Variants in YIPF7 observed in about 807,000 individuals in gnomAD.
YIPF7 encodes protein YIPF7.
In YIPF7, 35 loss-of-function variants were observed where a neutral mutation model predicts 27.2. That is an observed-to-expected ratio of 1.29 (90% CI 0.98 to 1.70). The LOEUF is 1.70. Ranked by LOEUF, YIPF7 falls within the 40% of genes most tolerant of loss-of-function variation. The pLI is 0.00. For missense variants in YIPF7, 358 were observed against 303.7 expected, an observed-to-expected ratio of 1.18 and a Z score of -1.33; for synonymous variants, 137 against 110.4, an observed-to-expected ratio of 1.24 and a Z score of -1.51.
At chr4:44,641,106 C>T (rs1018656205) in intron 2 of YIPF7, among the ~76,000 whole-genome samples, 23 of 152,248 alleles carry the variant, frequency 1.5e-4, no homozygotes, top group Middle Eastern at 3.4e-3. Flanking sequence ...AAGTGGACCA[C>T]GTATAGACTC....
chr4:44,647,714 C>T (rs1713577114), intron 2 of YIPF7, among the ~76,000 whole-genome samples: 1 of 152,058 alleles, frequency 6.6e-6, no homozygotes, highest in Non-Finnish European at 1.5e-5. Context: ...AAAATTATAT[C>T]TCAATACCTT....
chr4:44,624,785 G>T lies in YIPF7; in HGVS notation c.427-3C>A. Reference sequence around the variant, plus strand: ...TAACCAAACTGAACTTTTCCTGCCTGAAACGACGTGAAGAAAAAACAGTTT... The same window carrying T: ...TAACCAAACTGAACTTTTCCTGCCTTAAACGACGTGAAGAAAAAACAGTTT... On this transcript the variant is annotated splice_polypyrimidine_tract_variant and splice_region_variant and intron_variant, in intron 4 of 5. Coordinates refer to ENST00000415895, the MANE Select transcript of YIPF7 (RefSeq NM_182592.3). 1 of 1,603,184 alleles carries T rather than the reference G, an allele frequency of 6.2e-7. No individual in the cohort carries two copies. Among genetic ancestry groups the T allele is most frequent in the Non-Finnish European group, 8.5e-7 (1 of 1,175,688 alleles).
intron 3 of YIPF7, 79 bp downstream of exon 3, chr4:44,635,843 C>G: frequency 5.4e-6 from 8 of 1,481,694 alleles, no homozygotes; most frequent in Non-Finnish European, 6.4e-6. Flanking sequence ...ACACTGCAGG[C>G]TGACAGCACA....
intron 2 of YIPF7, among the ~76,000 whole-genome samples, chr4:44,647,069 T>C (rs560884396): frequency 1.3e-5 from 2 of 152,306 alleles, no homozygotes; most frequent in Non-Finnish European, 2.9e-5. Context: ...CCTTTCCTAA[T>C]TCCTGAGATG....
At chr4:44,638,060 A>T (rs1332312352) in intron 2 of YIPF7, among the ~76,000 whole-genome samples, 1 of 152,206 alleles carries the variant, frequency 6.6e-6, no homozygotes, top group Non-Finnish European at 1.5e-5. Context: ...TCAAAAGAAG[A>T]TATATAAATG....
At chr4:44,652,906 C>T (rs1464165903), upstream of YIPF7, among the ~76,000 whole-genome samples, 1 of 151,874 alleles carries the variant, frequency 6.6e-6, no homozygotes, top group Non-Finnish European at 1.5e-5. Context: ...GGTGAAAAAG[C>T]CAATGTTTGA....
intron 1 of YIPF7, among the ~76,000 whole-genome samples, chr4:44,662,055 C>T (rs1714052736): frequency 1.3e-5 from 2 of 152,152 alleles, no homozygotes; most frequent in African/African-American, 2.4e-5. Flanking sequence ...TATATTGAAA[C>T]CATTTGTTAC....
intron 4 of YIPF7, among the ~76,000 whole-genome samples, chr4:44,627,415 A>T (rs1712701058): frequency 6.6e-6 from 1 of 152,192 alleles, no homozygotes; most frequent in South Asian, 2.1e-4. Flanking sequence ...AGAGATAATA[A>T]GCAGATTTGG....
At chr4:44,639,850 T>A (rs1251872537) in intron 2 of YIPF7, among the ~76,000 whole-genome samples, 1 of 152,164 alleles carries the variant, frequency 6.6e-6, no homozygotes, top group Non-Finnish European at 1.5e-5. Flanking sequence ...GACTTTATTA[T>A]TTTGAGGTAC....
At position 44,636,003 on chromosome 4, in the gene YIPF7, A is replaced by C; in HGVS notation, c.199T>G (p.Phe67Val). The C allele has an allele frequency of 6.2e-7, 1 of 1,613,954 alleles. No homozygotes were observed. The highest frequency in any genetic ancestry group is 1.1e-5 in the South Asian group (1 of 91,076). The change falls in exon 3 of 6, where the codon TTT becomes GTT. Residue 67 changes from phenylalanine (F) to valine (V), a missense_variant. Transcript: ENST00000415895. ...TAATCTGAGTTGGATGCTGGCTGAA[A>C]AAATTGTCCTGCGTAACCCGATGAC... Reference protein sequence around the residue: ...LMSSGYAGQFFQPASNSDYYS... With the variant: ...LMSSGYAGQFVQPASNSDYYS...
At chr4:44,650,543 G>T (rs1035308829) in intron 1 of YIPF7, among the ~76,000 whole-genome samples, 1 of 145,614 alleles carries the variant, frequency 6.9e-6, no homozygotes, top group Non-Finnish European at 1.5e-5. Context: ...TTGTACCAAG[G>T]ATTATTATCT....
upstream of YIPF7, among the ~76,000 whole-genome samples, chr4:44,653,966 T>C (rs1445669691): frequency 6.6e-6 from 1 of 152,066 alleles, no homozygotes; most frequent in Non-Finnish European, 1.5e-5. Context: ...CAACACAGTT[T>C]CCTTCATAAA....
chr4:44,639,886 G>A (rs944740435), intron 2 of YIPF7, among the ~76,000 whole-genome samples: 3 of 152,006 alleles, frequency 2.0e-5, no homozygotes. Flanking sequence ...AGTTTGTTGA[G>A]GGTTTTTATT....
intron 2 of YIPF7, among the ~76,000 whole-genome samples, chr4:44,643,422 T>C (rs1713408192): frequency 6.6e-6 from 1 of 152,118 alleles, no homozygotes; most frequent in Non-Finnish European, 1.5e-5. Context: ...GAAATTATAT[T>C]TAAAAATGAA....
intron 3 of YIPF7, among the ~76,000 whole-genome samples, chr4:44,634,370 T>G (rs1225837474): frequency 6.6e-6 from 1 of 151,966 alleles, no homozygotes; most frequent in Non-Finnish European, 1.5e-5. Context: ...CTGTCTCTAC[T>G]AAAAACACAA....
intron 2 of YIPF7, among the ~76,000 whole-genome samples, chr4:44,643,982 C>T (rs1048343310): frequency 6.6e-6 from 1 of 152,106 alleles, no homozygotes; most frequent in Admixed American, 6.5e-5. Flanking sequence ...GAAGCCCCCA[C>T]ACAGAGTCTC....
At chr4:44,648,145 C>A (rs1713592394) in intron 2 of YIPF7, among the ~76,000 whole-genome samples, 1 of 152,066 alleles carries the variant, frequency 6.6e-6, no homozygotes, top group African/African-American at 2.4e-5. Flanking sequence ...CTCTTAATTT[C>A]TCTGTGTGTC....
Position 44,651,606 on chromosome 4 carries a change from A to G in YIPF7, c.-54T>C. On this transcript the variant is annotated 5_prime_UTR_variant, in exon 1 of 6. Coordinates refer to ENST00000415895, the MANE Select transcript of YIPF7 (RefSeq NM_182592.3). ...TCCAGTAAATGTAGCTTTGTGTGAG[A>G]AATTTTAAGCAAATCCATTGGTGAA... 5.7e-6 allele frequency: 9 copies of G among 1,587,938 alleles called. No homozygotes were observed. The highest frequency in any genetic ancestry group is 7.7e-6 in the Non-Finnish European group (9 of 1,165,370).
intron 1 of YIPF7, among the ~76,000 whole-genome samples, chr4:44,650,662 G>A (rs1365422221): frequency 5.3e-5 from 8 of 152,210 alleles, no homozygotes; most frequent in Admixed American, 2.0e-4. Flanking sequence ...GAATATTTTC[G>A]TTTTTCTTTT....
Sources: allele counts gnomAD v4.1 joint callset (sites outside exome capture counted in the v4.1 genomes callset), GRCh38; gene constraint gnomAD v4.1.1; transcripts MANE v1.5; gene names NCBI Gene and HGNC (gene_info 2026-07-23, HGNC 2026-07-21).